CDH12: variants seen among roughly 807,000 people sequenced by gnomAD.
The protein encoded by CDH12 is cadherin-12.
A neutral mutation model predicts 74.1 loss-of-function variants in CDH12; 41 were observed. That is an observed-to-expected ratio of 0.55 (90% CI 0.43 to 0.72). The LOEUF (loss-of-function observed/expected upper bound fraction) is 0.72, where lower values mean the gene tolerates loss of function less well. CDH12 is among the 30% of genes least tolerant of loss of function. CDH12 has a pLI of 0.00. For synonymous variants in CDH12, 399 were observed against 355.0 expected (o/e 1.12, Z -1.39); for missense variants, 945 against 977.2 (o/e 0.97, Z 0.44).
At chr5:22,091,534 C>T (rs1743435253) in intron 4 of CDH12, among the ~76,000 whole-genome samples, 1 of 151,754 alleles carries the variant, frequency 6.6e-6, no homozygotes, top group Non-Finnish European at 1.5e-5. Context: ...CTGAAAACCA[C>T]AAACCATTGT....
intron 11 of CDH12, among the ~76,000 whole-genome samples, chr5:21,780,061 A>G (rs548480126): frequency 1.3e-5 from 2 of 152,316 alleles, no homozygotes; most frequent in African/African-American, 4.8e-5. Flanking sequence ...TAGGAATATT[A>G]GTTTGGTATC....
intron 4 of CDH12, among the ~76,000 whole-genome samples, chr5:22,146,604 T>C (rs917553246): frequency 7.2e-5 from 11 of 152,144 alleles, no homozygotes; most frequent in Admixed American, 5.9e-4. Flanking sequence ...GGAAGGAGCA[T>C]TGTACACTAG....
chr5:22,027,523 T>C (rs1021645459), intron 5 of CDH12, among the ~76,000 whole-genome samples: 28 of 152,220 alleles, frequency 1.8e-4, no homozygotes, highest in Middle Eastern at 3.2e-3. Flanking sequence ...AGATTCAACT[T>C]CTTCCTGGTT....
At chr5:22,524,141 T>C (rs1449555294) in intron 1 of CDH12, among the ~76,000 whole-genome samples, 2 of 151,730 alleles carry the variant, frequency 1.3e-5, no homozygotes, top group African/African-American at 4.8e-5. Context: ...CGCCACCATA[T>C]CTGGCTAATT....
At chr5:22,737,619 G>C (rs534081142) in intron 1 of CDH12, among the ~76,000 whole-genome samples, 218 of 151,926 alleles carry the variant, frequency 1.4e-3, no homozygotes, top group Middle Eastern at 0.01. Flanking sequence ...GACTTAAAAG[G>C]AGCTGCATCT....
chr5:22,035,631 A>G lies in CDH12; in HGVS notation c.231+42815T>C, dbSNP rs188702655. On this transcript the variant is annotated intron_variant, in intron 5 of 14. Coordinates refer to ENST00000382254, the MANE Select transcript of CDH12 (RefSeq NM_004061.5). ...ATCATCATCAGGTGTCCTAGAACTG[A>G]CCCCAATTTAGAATGTAATATTGGT... is the stretch of plus-strand genomic sequence containing the variant. Among the ~76,000 whole-genome samples, 29 of 151,652 alleles carry G rather than the reference A, an allele frequency of 1.9e-4. No homozygotes were observed. The East Asian group carries it at 5.4e-3, about 28-fold the overall frequency.
At chr5:22,708,149 C>T (rs1743112149) in intron 1 of CDH12, among the ~76,000 whole-genome samples, 1 of 152,104 alleles carries the variant, frequency 6.6e-6, no homozygotes, top group African/African-American at 2.4e-5. Context: ...AGACTCTTTC[C>T]TTCGCTTTGT....
At chr5:22,280,407 C>A (rs1261854457) in intron 3 of CDH12, among the ~76,000 whole-genome samples, 3 of 152,024 alleles carry the variant, frequency 2.0e-5, no homozygotes, top group African/African-American at 7.2e-5. Flanking sequence ...ACACGAAAAA[C>A]CCTTCAAAAA....
chr5:22,272,126 T>C (rs950475367), intron 3 of CDH12, among the ~76,000 whole-genome samples: 9 of 152,262 alleles, frequency 5.9e-5, no homozygotes, highest in Admixed American at 5.9e-4. Context: ...TTGTTTAGTG[T>C]AACCACCTTC....
chr5:21,759,741 C>T (rs1345274452), intron 13 of CDH12, among the ~76,000 whole-genome samples: 2 of 151,786 alleles, frequency 1.3e-5, no homozygotes, highest in Non-Finnish European at 2.9e-5. Context: ...CATAGGTAAA[C>T]ACGTGTCATG....
intron 2 of CDH12, among the ~76,000 whole-genome samples, chr5:22,454,253 C>A (rs1270925101): frequency 6.6e-6 from 1 of 152,100 alleles, no homozygotes; most frequent in Non-Finnish European, 1.5e-5. Context: ...CTACATTAAA[C>A]TAACAATTAG....
chr5:21,960,286 CT>C, intron 6 of CDH12, among the ~76,000 whole-genome samples: 1 of 152,254 alleles, frequency 6.6e-6, no homozygotes, highest in Non-Finnish European at 1.5e-5. Context: ...CACATAATGC[CT>C]TTCTTTTCAG....
intron 11 of CDH12, among the ~76,000 whole-genome samples, chr5:21,769,383 G>C (rs80085812): frequency 0.031 from 4,757 of 152,088 alleles, 90 homozygotes; most frequent in Middle Eastern, 0.058. Context: ...AATAAACTTA[G>C]AGATATAATA....
intron 5 of CDH12, among the ~76,000 whole-genome samples, chr5:22,059,280 TATCTATCTATCTATC>T (rs1478383102): frequency 6.6e-5 from 10 of 150,984 alleles, no homozygotes; most frequent in East Asian, 1.9e-4. Flanking sequence ...TCTATCTATC[TATCTATCTATCTATC>T]ATCTATCTAT....
chr5:22,366,900 T>G (rs1261447124), intron 3 of CDH12, among the ~76,000 whole-genome samples: 1 of 152,198 alleles, frequency 6.6e-6, no homozygotes, highest in Non-Finnish European at 1.5e-5. Flanking sequence ...ATGTGTCGCT[T>G]TGTGAAAAGT....
chr5:22,786,170 TG>T (rs1282685081), intron 1 of CDH12, among the ~76,000 whole-genome samples: 2 of 152,084 alleles, frequency 1.3e-5, no homozygotes, highest in Admixed American at 6.6e-5. Context: ...TGCAAGAACA[TG>T]GATGGAGCTG....
intron 3 of CDH12, among the ~76,000 whole-genome samples, chr5:22,236,857 G>C (rs962929303): frequency 1.3e-5 from 2 of 152,196 alleles, no homozygotes; most frequent in African/African-American, 2.4e-5. Context: ...TCCACTGGAA[G>C]GTCTTCAGGG....
At chr5:21,956,833 C>A (rs1420197501) in intron 6 of CDH12, among the ~76,000 whole-genome samples, 2 of 151,994 alleles carry the variant, frequency 1.3e-5, no homozygotes, top group Non-Finnish European at 2.9e-5. Flanking sequence ...ACATGAGAAT[C>A]TTTATTTCCC....
chr5:21,789,200 G>A (rs1746359803), intron 10 of CDH12, among the ~76,000 whole-genome samples: 1 of 152,006 alleles, frequency 6.6e-6, no homozygotes, highest in African/African-American at 2.4e-5. Flanking sequence ...TGTCACAAGT[G>A]CAATAAAACA....
Sources: gnomAD v4.1 joint callset for allele counts (sites outside exome capture counted in the v4.1 genomes callset) on GRCh38, gnomAD v4.1.1 for gene constraint, MANE v1.5 for transcripts, NCBI Gene and HGNC (gene_info 2026-07-23, HGNC 2026-07-21) for gene names.